DGKB: variants seen among roughly 807,000 people sequenced by gnomAD.
DGKB encodes the protein 90 kDa diacylglycerol kinase.
DGKB carries 67 observed loss-of-function variants against 114.3 expected under a neutral mutation model. The observed-to-expected ratio is 0.59, with a 90% CI of 0.48 to 0.72. The LOEUF is 0.72. Among genes scored for constraint, DGKB ranks in the 30% least tolerant of loss-of-function variants. The probability of loss-of-function intolerance (pLI) is 0.00; values close to 1 mark genes in which losing one functional copy is unlikely to be tolerated. For missense variants in DGKB, 907 were observed against 975.2 expected (o/e 0.93, Z 0.93); for synonymous variants, 398 against 323.1 (o/e 1.23, Z -2.49).
chr7:14,171,298 T>G (rs1780957222), intron 25 of DGKB, among the ~76,000 whole-genome samples: 1 of 152,200 alleles, frequency 6.6e-6, no homozygotes, highest in Admixed American at 6.5e-5. Context: ...TTTCACTATT[T>G]AATGTATAAT....
chr7:14,197,150 G>T (rs938691255), intron 23 of DGKB, among the ~76,000 whole-genome samples: 21 of 151,976 alleles, frequency 1.4e-4, no homozygotes, highest in Admixed American at 6.6e-5. Flanking sequence ...CTCTTTTGTA[G>T]TACAAACTTT....
intron 21 of DGKB, among the ~76,000 whole-genome samples, chr7:14,381,817 T>A (rs894119392): frequency 6.6e-6 from 1 of 152,142 alleles, no homozygotes; most frequent in Non-Finnish European, 1.5e-5. Flanking sequence ...ATCACAAAAG[T>A]TTTCTTAAAT....
upstream of DGKB, among the ~76,000 whole-genome samples, chr7:14,903,868 A>G (rs186094708): frequency 1.3e-3 from 205 of 152,300 alleles, 1 homozygote; most frequent in Admixed American, 8.5e-4. Flanking sequence ...ACCAGCTTAT[A>G]CACGGGGTAT....
At chr7:14,584,167 G>A (rs545382620) in intron 17 of DGKB, among the ~76,000 whole-genome samples, 1 of 152,062 alleles carries the variant, frequency 6.6e-6, no homozygotes, top group Non-Finnish European at 1.5e-5. Context: ...TATGTCATGT[G>A]TTGCATTCTG....
At chr7:14,488,269 C>A (rs754492962) in intron 20 of DGKB, among the ~76,000 whole-genome samples, 1 of 152,120 alleles carries the variant, frequency 6.6e-6, no homozygotes, top group Non-Finnish European at 1.5e-5. Flanking sequence ...CCCACTCTTG[C>A]TCTTTCCTGC....
At chr7:14,656,933 C>T (rs1010559558) in intron 13 of DGKB, among the ~76,000 whole-genome samples, 2 of 151,640 alleles carry the variant, frequency 1.3e-5, no homozygotes, top group African/African-American at 4.8e-5. Context: ...ACACGTTCTA[C>T]ATAATATAAA....
chr7:14,514,885 C>T (rs1050607636), intron 20 of DGKB, among the ~76,000 whole-genome samples: 12 of 152,022 alleles, frequency 7.9e-5, no homozygotes, highest in African/African-American at 2.7e-4. Context: ...GAGACCACAA[C>T]TCTAGGGAAA....
intron 1 of DGKB, among the ~76,000 whole-genome samples, chr7:14,940,466 T>C (rs1425608860): frequency 6.6e-6 from 1 of 152,050 alleles, no homozygotes; most frequent in East Asian, 1.9e-4. Context: ...TGGGATAACA[T>C]TTCACTTAAT....
At chr7:14,331,887 T>C (rs1045469040) in intron 23 of DGKB, among the ~76,000 whole-genome samples, 3 of 152,162 alleles carry the variant, frequency 2.0e-5, no homozygotes, top group African/African-American at 7.2e-5. Context: ...GAGATACTCC[T>C]TGACAGCCAA....
At chr7:14,357,923 C>T (rs12113188) in intron 21 of DGKB, among the ~76,000 whole-genome samples, 5,733 of 152,036 alleles carry the variant, frequency 0.038, 362 homozygotes, top group African/African-American at 0.13. Flanking sequence ...TGAATATTGG[C>T]CCCTACTCTG....
chr7:14,873,241 C>T (rs547551995), intron 1 of DGKB, among the ~76,000 whole-genome samples: 3 of 152,122 alleles, frequency 2.0e-5, no homozygotes, highest in African/African-American at 7.2e-5. Flanking sequence ...GGCTAGCATC[C>T]CTTTCTATTA....
chr7:14,742,078 A>C (rs1244745969), intron 4 of DGKB, among the ~76,000 whole-genome samples: 1 of 152,206 alleles, frequency 6.6e-6, no homozygotes, highest in Non-Finnish European at 1.5e-5. Context: ...TACTTGGGAA[A>C]AATGGAAAAG....
At chr7:14,919,095 A>AACACACACACACACACACACACACAC (rs3036019) in intron 1 of DGKB, among the ~76,000 whole-genome samples, 1 of 114,920 alleles carries the variant, frequency 8.7e-6, no homozygotes, top group African/African-American at 3.6e-5. Flanking sequence ...CACACACACA[A>AACACACACACACACACACACACACAC]ACACACACAC....
Position 14,748,593 on chromosome 7 carries a change from G to T in DGKB, c.168+5335C>A, listed in dbSNP as rs138116606. The stretch of plus-strand genomic sequence containing the variant: ...GAGGACCAGAGTAGTAGAATACAAG[G>T]TCAAAGACTCAAGCTGTGGCAATGT... On this transcript the variant is annotated intron_variant, in intron 4 of 25. Transcript: ENST00000402815. Among the ~76,000 whole-genome samples, 360 of 152,214 alleles carry T rather than the reference G, an allele frequency of 2.4e-3. 2 individuals are homozygous for T. The highest frequency in any genetic ancestry group is 8.4e-3 in the African/African-American group (347 of 41,550).
At chr7:14,833,615 G>C (rs1275004394) in intron 2 of DGKB, among the ~76,000 whole-genome samples, 1 of 152,070 alleles carries the variant, frequency 6.6e-6, no homozygotes, top group Admixed American at 6.6e-5. Context: ...GGCATCTAAA[G>C]ACCCACTTTT....
At chr7:14,614,129 G>A (rs759897720) in intron 15 of DGKB, among the ~76,000 whole-genome samples, 4 of 152,096 alleles carry the variant, frequency 2.6e-5, no homozygotes, top group Non-Finnish European at 5.9e-5. Flanking sequence ...GAAAGACAAA[G>A]TTTCTGTCCT....
At chr7:14,867,976 C>G (rs142854805) in intron 1 of DGKB, among the ~76,000 whole-genome samples, 81 of 152,236 alleles carry the variant, frequency 5.3e-4, no homozygotes, top group African/African-American at 1.9e-3. Flanking sequence ...CAGCTGATTT[C>G]AAATTGCACG....
chr7:14,626,493 G>T (rs1459255288), intron 14 of DGKB, among the ~76,000 whole-genome samples: 1 of 152,120 alleles, frequency 6.6e-6, no homozygotes, highest in Non-Finnish European at 1.5e-5. Context: ...TTTAACCCAA[G>T]GTATCATATA....
chr7:14,664,977 T>C (rs1817770467), intron 13 of DGKB, among the ~76,000 whole-genome samples: 1 of 151,954 alleles, frequency 6.6e-6, no homozygotes, highest in Non-Finnish European at 1.5e-5. Flanking sequence ...ACTGCAGATA[T>C]TGTGTATAAA....
Sources: allele counts gnomAD v4.1 joint callset (sites outside exome capture counted in the v4.1 genomes callset), GRCh38; gene constraint gnomAD v4.1.1; transcripts MANE v1.5; gene names NCBI Gene and HGNC (gene_info 2026-07-23, HGNC 2026-07-21).